Variants in PLAG1 observed in about 807,000 individuals in gnomAD.
PLAG1 encodes the protein PLAG1 zinc finger.
Under a neutral mutation model 35.5 loss-of-function variants are expected in PLAG1, and 7 were observed. The ratio of observed to expected loss-of-function variants is 0.20; its 90% CI spans 0.11 to 0.37. The LOEUF (loss-of-function observed/expected upper bound fraction) is 0.37. Ranked by LOEUF, PLAG1 falls within the 10% of genes least tolerant of loss-of-function variation. The pLI, the probability that PLAG1 is intolerant of heterozygous loss-of-function variation, is 1.00. For synonymous variants in PLAG1, 229 were observed against 225.4 expected (o/e 1.02, Z -0.14); for missense variants, 454 against 602.8 (o/e 0.75, Z 2.58).
chr8:56,180,178 G>A (rs1014357594), intron 1 of PLAG1, among the ~76,000 whole-genome samples: 15 of 152,166 alleles, frequency 9.9e-5, no homozygotes, highest in Admixed American at 5.2e-4. Context: ...TATGAAGACT[G>A]ATCTCTAGGG....
chr8:56,180,363 G>C (rs1055024858), intron 1 of PLAG1, among the ~76,000 whole-genome samples: 4 of 152,228 alleles, frequency 2.6e-5, no homozygotes, highest in African/African-American at 9.6e-5. Context: ...GTTCCAGTCT[G>C]AGTTACTGTG....
At chr8:56,203,181 T>C (rs1188521462) in intron 1 of PLAG1, among the ~76,000 whole-genome samples, 2 of 152,136 alleles carry the variant, frequency 1.3e-5, no homozygotes, top group African/African-American at 4.8e-5. Flanking sequence ...GTCTACAGAA[T>C]TTTATATGTG....
chr8:56,188,794 A>C (rs1563385698), intron 1 of PLAG1, among the ~76,000 whole-genome samples: 1 of 152,242 alleles, frequency 6.6e-6, no homozygotes, highest in Non-Finnish European at 1.5e-5. Context: ...GCAGGGGAGA[A>C]GGCCACCAAT....
intron 1 of PLAG1, among the ~76,000 whole-genome samples, chr8:56,180,069 A>G (rs1811819910): frequency 6.6e-6 from 1 of 152,226 alleles, no homozygotes; most frequent in Non-Finnish European, 1.5e-5. Context: ...CTTGTTTTCA[A>G]TTAAATTCCC....
chr8:56,179,482 CA>C lies in PLAG1; in HGVS notation c.-291del. The C allele has an allele frequency of 1.0e-6, 1 of 977,262 alleles. No individual in the cohort carries two copies. Among genetic ancestry groups the C allele is most frequent in the Non-Finnish European group, 1.2e-6 (1 of 822,186 alleles). 60.5% of individuals were successfully genotyped at this position (977,262 alleles called of 1,614,324 possible). ...TCACAGAATGAAGCATTCTGGGTGC[CA>C]AATACGGCCAAGGCAGCACCAAGAG... On this transcript the variant is annotated 5_prime_UTR_variant, in exon 2 of 5. It introduces an in-frame stop codon into an upstream open reading frame of the 5' UTR. Transcript: ENST00000316981.
chr8:56,194,813 A>G (rs1812308534), intron 1 of PLAG1, among the ~76,000 whole-genome samples: 1 of 152,142 alleles, frequency 6.6e-6, no homozygotes, highest in African/African-American at 2.4e-5. Flanking sequence ...AGACAAGTGA[A>G]GACTCTGAAC....
At chr8:56,208,556 T>C (rs1585835533) in intron 1 of PLAG1, among the ~76,000 whole-genome samples, 1 of 152,160 alleles carries the variant, frequency 6.6e-6, no homozygotes, top group African/African-American at 2.4e-5. Flanking sequence ...GTTTATACAG[T>C]AGGGCAAGAA....
rs1051582614 is a variant in PLAG1, at chr8:56,194,634, TTG to T, written c.-321-15123_-321-15122del. On this transcript the variant is annotated intron_variant, in intron 1 of 4. Transcript: ENST00000316981. ...TTGTGTGTGTGTGGCGTGTGTGTGT[TTG>T]TGTGTGTGTGGCATGTGTGTATGTG... Among the ~76,000 whole-genome samples the T allele has an allele frequency of 1.4e-3, 207 of 150,342 alleles. 1 individual carries two copies. Among genetic ancestry groups the T allele is most frequent in the African/African-American group, 4.7e-3 (191 of 40,966 alleles).
Position 56,166,210 on chromosome 8 carries a change from T to C in PLAG1, c.*33A>G. 6.8e-7 allele frequency: 1 copy of C among 1,477,756 alleles called. No individual in the cohort carries two copies. Among genetic ancestry groups the C allele is most frequent in the Middle Eastern group, 1.8e-4 (1 of 5,554 alleles). The allele number at this position is 1,477,756 out of a possible 1,614,324, so 91.5% of individuals were successfully genotyped here. ...TGGTCATCTAGGGCACAGCTACACA[T>C]ACATTTCTGTAATGAATCCATGTCC... On this transcript the variant is annotated 3_prime_UTR_variant, in exon 5 of 5. Transcript: ENST00000316981.
chr8:56,181,008 T>C (rs146354681), intron 1 of PLAG1, among the ~76,000 whole-genome samples: 21,743 of 152,148 alleles, frequency 0.14, 1,796 homozygotes, highest in Middle Eastern at 0.19. Flanking sequence ...AAATCAAAAC[T>C]ACAATAAGAT....
Position 56,164,040 on chromosome 8 carries a change from A to C in PLAG1, c.*2203T>G. The stretch of plus-strand genomic sequence containing the variant: ...TAGAAACTAAAGGAAGCAGTAATGA[A>C]GCAGAGCGAAAAGCCTACTTTCAGA... On this transcript the variant is annotated 3_prime_UTR_variant, in exon 5 of 5. Transcript: ENST00000316981. 5.4e-6 allele frequency: 1 copy of C among 186,142 alleles called. No individual in the cohort carries two copies. Among genetic ancestry groups the C allele is most frequent in the Non-Finnish European group, 1.1e-5 (1 of 87,656 alleles). The allele number at this position is 186,142 out of a possible 1,614,324, so 11.5% of individuals were successfully genotyped here.
At chr8:56,204,093 A>G (rs1039637073) in intron 1 of PLAG1, among the ~76,000 whole-genome samples, 11 of 152,002 alleles carry the variant, frequency 7.2e-5, no homozygotes, top group Admixed American at 7.2e-4. Context: ...GTAACACAGA[A>G]TAATGGAGCT....
intron 1 of PLAG1, chr8:56,209,463 T>G (rs1812786361): frequency 6.6e-6 from 1 of 152,252 alleles, no homozygotes; most frequent in Non-Finnish European, 1.5e-5. Flanking sequence ...CACCTCTGCT[T>G]TTGGTCCTCA....
In PLAG1 at chr8:56,162,326, A is replaced by G. The variant is rs1283061513; in HGVS notation, c.*3917T>C. The G allele has an allele frequency of 4.4e-6, 1 of 227,522 alleles. No individual in the cohort carries two copies. The highest frequency in any genetic ancestry group is 8.8e-6 in the Non-Finnish European group (1 of 114,118). The allele number at this position is 227,522 out of a possible 1,614,324, so 14.1% of individuals were successfully genotyped here. A position where few individuals can be genotyped will look rare whatever the true frequency, so the allele number is the denominator to read the frequency against. On this transcript the variant is annotated 3_prime_UTR_variant, in exon 5 of 5. Coordinates refer to ENST00000316981, the MANE Select transcript of PLAG1 (RefSeq NM_002655.3). ...TGAACTGGTATTTTTTAACTTACGT[A>G]CTGGGAAGACAGTGTGCTTTGAGAC...
chr8:56,185,180 G>A (rs1162848364), intron 1 of PLAG1, among the ~76,000 whole-genome samples: 1 of 152,198 alleles, frequency 6.6e-6, no homozygotes, highest in Admixed American at 6.5e-5. Flanking sequence ...AGGACAGGAA[G>A]CAGATCAGAG....
rs1811509061 is a variant in PLAG1 at position 56,171,045 on chromosome 8, AAAGGTGCATGCATAG to A, written c.-118+31_-118+45del. 7 of 367,120 alleles carry A rather than the reference AAAGGTGCATGCATAG, an allele frequency of 1.9e-5. No homozygotes were observed. The South Asian group carries it at 6.6e-4, about 35-fold the overall frequency. The allele number at this position is 367,120 out of a possible 1,614,324, so 22.7% of individuals were successfully genotyped here. A position where few individuals can be genotyped will look rare whatever the true frequency, so the allele number is the denominator to read the frequency against. The stretch of plus-strand genomic sequence containing the variant: ...AATATGCATATCAGTCAAATACTTT[AAAGGTGCATGCATAG>A]AATTATAGTGATTTTTAGTTCAATG... On this transcript the variant is annotated intron_variant, in intron 3 of 4. Transcript: ENST00000316981.
chr8:56,181,879 T>C (rs916846319), intron 1 of PLAG1, among the ~76,000 whole-genome samples: 12 of 152,134 alleles, frequency 7.9e-5, no homozygotes, highest in Admixed American at 6.5e-4. Flanking sequence ...AAGAGTACTA[T>C]GGATATTTGG....
chr8:56,189,309 A>T (rs946901767), intron 1 of PLAG1, among the ~76,000 whole-genome samples: 5 of 152,304 alleles, frequency 3.3e-5, no homozygotes, highest in Admixed American at 6.5e-5. Context: ...TCAAGAAGAC[A>T]TTGTTCTCTT....
chr8:56,203,644 C>G (rs1336563194), intron 1 of PLAG1, among the ~76,000 whole-genome samples: 1 of 152,062 alleles, frequency 6.6e-6, no homozygotes, highest in Non-Finnish European at 1.5e-5. Flanking sequence ...TGTGCCTGAT[C>G]ATCACAGAAA....
Sources: gnomAD v4.1 joint callset for allele counts (sites outside exome capture counted in the v4.1 genomes callset) on GRCh38, gnomAD v4.1.1 for gene constraint, MANE v1.5 for transcripts, NCBI Gene and HGNC (gene_info 2026-07-23, HGNC 2026-07-21) for gene names.